MSR1: variants seen among roughly 807,000 people sequenced by gnomAD.
MSR1 encodes the protein macrophage scavenger receptor 1.
A neutral mutation model predicts 47.2 loss-of-function variants in MSR1; 53 were observed. The ratio of observed to expected loss-of-function variants is 1.12; its 90% confidence interval spans 0.90 to 1.41. MSR1 has a LOEUF of 1.41. Among genes scored for constraint, MSR1 ranks in the 40% most tolerant of loss-of-function variants. The pLI, the probability that MSR1 is intolerant of heterozygous loss-of-function variation, is 0.00. For synonymous variants in MSR1, 239 were observed against 185.6 expected, an observed-to-expected ratio of 1.29 and a Z score of -2.34; for missense variants, 786 against 546.9, an observed-to-expected ratio of 1.44 and a Z score of -4.36.
chr8:16,189,886 G>A (rs914425902), intron 1 of MSR1, among the ~76,000 whole-genome samples: 1 of 143,516 alleles, frequency 7.0e-6, no homozygotes, highest in Non-Finnish European at 1.5e-5. Context: ...ATGCTTCACT[G>A]ATATAAATAA....
At chr8:16,186,987 A>G (rs1351118240) in intron 1 of MSR1, among the ~76,000 whole-genome samples, 1 of 151,972 alleles carries the variant, frequency 6.6e-6, no homozygotes, top group East Asian at 1.9e-4. Context: ...CACACTTCCC[A>G]GAAGAATCCT....
chr8:16,175,136 G>A (rs1049007025), intron 3 of MSR1, 51 bp downstream of exon 3: 4 of 1,463,918 alleles, frequency 2.7e-6, no homozygotes, highest in East Asian at 2.3e-5. Flanking sequence ...CTTTGGCAAT[G>A]AATAATTCAC....
chr8:16,161,739 T>C (rs1585174411), intron 5 of MSR1, among the ~76,000 whole-genome samples: 2 of 152,008 alleles, frequency 1.3e-5, no homozygotes, highest in African/African-American at 4.8e-5. Flanking sequence ...ACTATGAGCA[T>C]TAGAAGTAAA....
intron 3 of MSR1, among the ~76,000 whole-genome samples, chr8:16,171,610 T>G (rs1801490281): frequency 6.6e-6 from 1 of 152,192 alleles, no homozygotes; most frequent in South Asian, 2.1e-4. Context: ...ATATACTATG[T>G]GGAAAGTATT....
chr8:16,163,629 G>T (rs188779689), intron 5 of MSR1, among the ~76,000 whole-genome samples: 1 of 151,452 alleles, frequency 6.6e-6, no homozygotes, highest in African/African-American at 2.4e-5. Context: ...CACTGCAGAA[G>T]AAATGGACAA....
intron 7 of MSR1, among the ~76,000 whole-genome samples, chr8:16,147,119 C>T (rs1305223059): frequency 1.3e-5 from 2 of 152,140 alleles, no homozygotes; most frequent in Non-Finnish European, 2.9e-5. Flanking sequence ...TAGAACAGAA[C>T]CTTCTACGGA....
intron 1 of MSR1, chr8:16,186,196 T>A (rs1227274495): frequency 1.3e-6 from 2 of 1,535,264 alleles, no homozygotes; most frequent in Admixed American, 2.0e-5. Flanking sequence ...ATGATTGCAC[T>A]GAGATAGCAC....
At position 16,125,265 on chromosome 8, in the gene MSR1, C is replaced by T. The variant is rs375322188; in HGVS notation, c.1034-4659G>A. Among the ~76,000 whole-genome samples, 69 of 152,222 alleles carry T rather than the reference C, an allele frequency of 4.5e-4. 1 individual carries two copies. The highest frequency in any genetic ancestry group is 1.6e-3 in the African/African-American group (68 of 41,538). ...TTAAAAACTGGAATATTTGAATCTG[C>T]TTGACAAGGCCACTTTCTCCCCTTG... On this transcript the variant is annotated intron_variant, in intron 8 of 9. Transcript: ENST00000262101.
At chr8:16,157,385 T>C (rs561128347) in intron 5 of MSR1, among the ~76,000 whole-genome samples, 2 of 151,958 alleles carry the variant, frequency 1.3e-5, no homozygotes, top group African/African-American at 4.8e-5. Flanking sequence ...AAATTTGGAG[T>C]TAAAGATCCC....
intron 8 of MSR1, among the ~76,000 whole-genome samples, 187 bp downstream of exon 8, chr8:16,143,371 G>T (rs1362041921): frequency 2.0e-5 from 3 of 152,058 alleles, no homozygotes; most frequent in Non-Finnish European, 2.9e-5. Flanking sequence ...TGAAAGAGTT[G>T]TATAATATAA....
chr8:16,180,947 T>C (rs1479558705), intron 1 of MSR1, among the ~76,000 whole-genome samples: 1 of 152,092 alleles, frequency 6.6e-6, no homozygotes, highest in Non-Finnish European at 1.5e-5. Flanking sequence ...CCAAATCTTC[T>C]CCTTTCTCAG....
intron 1 of MSR1, among the ~76,000 whole-genome samples, chr8:16,182,800 G>T (rs969133633): frequency 6.6e-6 from 1 of 152,048 alleles, no homozygotes; most frequent in Non-Finnish European, 1.5e-5. Context: ...CTGCTTTATG[G>T]TTGAATCTTT....
intron 3 of MSR1, 135 bp downstream of exon 3, chr8:16,175,052 T>G: frequency 1.4e-6 from 1 of 727,712 alleles, no homozygotes; most frequent in South Asian, 1.7e-5. Context: ...CTTAACAAAT[T>G]TGAAGGACAC....
At chr8:16,155,583 A>G (rs71524181) in intron 5 of MSR1, among the ~76,000 whole-genome samples, 1 of 152,026 alleles carries the variant, frequency 6.6e-6, no homozygotes, top group African/African-American at 2.4e-5. Context: ...GGAAAGGAAA[A>G]TTCACACATG....
intron 4 of MSR1, among the ~76,000 whole-genome samples, 178 bp downstream of exon 4, chr8:16,168,280 G>A (rs34429654): frequency 0.019 from 2,893 of 152,270 alleles, 137 homozygotes; most frequent in Admixed American, 0.11. Context: ...TAGAGAAGGC[G>A]AATCCATTTT....
chr8:16,131,361 A>G (rs1800250524), intron 8 of MSR1, among the ~76,000 whole-genome samples: 1 of 148,314 alleles, frequency 6.7e-6, no homozygotes, highest in East Asian at 2.0e-4. Context: ...TTCCTTACAG[A>G]TTCTGGATAT....
At chr8:16,120,650 A>G in intron 8 of MSR1, 44 bp from the exon 9 acceptor site, 2 of 1,537,820 alleles carry the variant, frequency 1.3e-6, no homozygotes, top group Non-Finnish European at 1.7e-6. Context: ...AAGGCAAGCA[A>G]GGACTAATTA....
At chr8:16,166,829 CATTTA>C (rs1351412751) in intron 4 of MSR1, among the ~76,000 whole-genome samples, 2 of 151,956 alleles carry the variant, frequency 1.3e-5, no homozygotes, top group East Asian at 3.9e-4. Context: ...TTCAGGCATT[CATTTA>C]ATTTATTTAT....
intron 5 of MSR1, among the ~76,000 whole-genome samples, chr8:16,163,404 A>G (rs1390430387): frequency 6.6e-6 from 1 of 151,772 alleles, no homozygotes; most frequent in East Asian, 1.9e-4. Context: ...AGAAAAATAC[A>G]TGCAAATGGT....
Sources: allele counts gnomAD v4.1 joint callset (sites outside exome capture counted in the v4.1 genomes callset), GRCh38; gene constraint gnomAD v4.1.1; transcripts MANE v1.5; gene names NCBI Gene and HGNC (gene_info 2026-07-23, HGNC 2026-07-21).